NOC2L: variants seen among roughly 807,000 people sequenced by gnomAD.
NOC2L encodes nucleolar complex protein 2 homolog.
Under a neutral mutation model 94.2 loss-of-function variants are expected in NOC2L, and 101 were observed. That is an observed-to-expected ratio of 1.07 (90% CI 0.91 to 1.26). The LOEUF (loss-of-function observed/expected upper bound fraction) is 1.26. Among genes scored for constraint, NOC2L ranks in the 50% most tolerant of loss-of-function variants. The pLI is 0.00. For missense variants in NOC2L, 1,076 were observed against 980.1 expected, an observed-to-expected ratio of 1.10 and a Z score of -1.31; for synonymous variants, 531 against 413.4, an observed-to-expected ratio of 1.28 and a Z score of -3.45.
At chr1:958,679 G>C (rs768110744) in intron 2 of NOC2L, 17 of 683,704 alleles carry the variant, frequency 2.5e-5, no homozygotes, top group South Asian at 2.1e-4. Context: ...CCAAGAACGT[G>C]AGAGTTCTCC....
chr1:958,881 G>A (rs1642497535), intron 2 of NOC2L, 48 bp downstream of exon 2: 3 of 1,608,494 alleles, frequency 1.9e-6, no homozygotes, highest in Middle Eastern at 1.7e-4. Context: ...CCCAACCGGG[G>A]TGGGACAGGA....
intron 9 of NOC2L, among the ~76,000 whole-genome samples, 197 bp downstream of exon 9, chr1:952,978 G>A (rs925862937): frequency 1.1e-4 from 17 of 152,170 alleles, no homozygotes; most frequent in Non-Finnish European, 2.9e-5. Flanking sequence ...GGGGCCCTGA[G>A]AAGGCCGAGG....
chr1:945,943 G>A (rs146637555), intron 16 of NOC2L, among the ~76,000 whole-genome samples: 1 of 152,332 alleles, frequency 6.6e-6, no homozygotes, highest in East Asian at 1.9e-4. Flanking sequence ...TCAGGCCTGA[G>A]GGGGCATGGC....
intron 2 of NOC2L, chr1:957,539 T>C (rs1401958144): frequency 2.2e-6 from 1 of 461,654 alleles, no homozygotes; most frequent in East Asian, 3.7e-5. Context: ...AGCCGCGGTC[T>C]TCCCTGGACT....
At chr1:953,338 A>G (rs1642309441) in intron 8 of NOC2L, 50 bp from the exon 9 acceptor site, 1 of 1,143,330 alleles carries the variant, frequency 8.7e-7, no homozygotes, top group African/African-American at 1.5e-5. Flanking sequence ...CTCAGCAGGG[A>G]TGCCCCAGGG....
At position 957,229 on chromosome 1, in the gene NOC2L, CGA is replaced by C. The variant is rs1642433152; in HGVS notation, c.222_223del (p.Arg75AlafsTer16). 1 of 1,613,454 alleles carries C rather than the reference CGA, an allele frequency of 6.2e-7. No individual in the cohort carries two copies. The highest frequency in any genetic ancestry group is 2.2e-5 in the East Asian group (1 of 44,838). ...GAACTCGGGGTCTCTGTCCTTCAGC[CGA>C]GAGAGCTGGTCTTTGTGCTCAGAGG... On this transcript the variant is annotated frameshift_variant, in exon 3 of 19. Coordinates refer to ENST00000327044, the MANE Select transcript of NOC2L (RefSeq NM_015658.4). LOFTEE classifies it high-confidence loss of function.
intron 6 of NOC2L, among the ~76,000 whole-genome samples, chr1:955,672 G>A (rs565724048): frequency 4.6e-5 from 7 of 152,284 alleles, no homozygotes; most frequent in East Asian, 1.9e-4. Context: ...AGCTGCACAC[G>A]CCACACCTTC....
chr1:947,737 G>A (rs1557616516), intron 14 of NOC2L, among the ~76,000 whole-genome samples: 1 of 152,186 alleles, frequency 6.6e-6, no homozygotes, highest in Non-Finnish European at 1.5e-5. Context: ...GGCAGGCCAG[G>A]CCTTCCTGCC....
Position 956,894 on chromosome 1 carries a change from C to T in NOC2L, c.486G>A (p.Lys162=), listed in dbSNP as rs1311913257. ...AMVERWKQAA[K]QRLTPKLFHE... ...CTGCCCGCCCCTGGCTGCTGCTCAC[C>T]TTTGCTGCCTGCTTCCATCTCTCAA... The change falls in exon 4 of 19, where the codon AAG becomes AAA. Residue 162 remains lysine (K), a splice_region_variant and synonymous_variant. Transcript: ENST00000327044. 1.9e-6 allele frequency: 3 copies of T among 1,613,602 alleles called. No homozygotes were observed. The East Asian group carries it at 6.7e-5, about 36-fold the overall frequency.
In NOC2L at chr1:949,543, GGA is replaced by G. The variant is rs550120906; in HGVS notation, c.1444-942_1444-941del. On this transcript the variant is annotated intron_variant, in intron 12 of 18. Transcript: ENST00000327044. ...TTTTAGGGTTTGCTTTTTCCGGAGAGGAGAGGCCTGCATCCCTGCGTGAGAGG... is the reference window on the plus strand; with the variant it reads ...TTTTAGGGTTTGCTTTTTCCGGAGAGGAGGCCTGCATCCCTGCGTGAGAGG... Among the ~76,000 whole-genome samples, 289 of 152,366 alleles carry G rather than the reference GGA, an allele frequency of 1.9e-3. 4 individuals are homozygous for G. The highest frequency in any genetic ancestry group is 6.8e-3 in the Middle Eastern group (2 of 294).
chr1:958,946 G>T lies in NOC2L; in HGVS notation c.162C>A (p.Gly54=), dbSNP rs750051154. The T allele has an allele frequency of 1.9e-6, 3 of 1,612,718 alleles. No individual in the cohort carries two copies. In the South Asian group the frequency reaches 3.3e-5, roughly 18 times the overall value. ...CCACTAACCTGGCCGAGGGGCTCCC[G>T]CCCGGCTTATCCGGACTCCGGGCAG... is the stretch of plus-strand genomic sequence containing the variant. ...REAARSPDKP[G]GSPSASRRKG... The change falls in exon 2 of 19, where the codon GGC becomes GGA. Residue 54 remains glycine, a synonymous_variant. Coordinates refer to ENST00000327044, the MANE Select transcript of NOC2L (RefSeq NM_015658.4).
rs188875714 is a variant in NOC2L, at chr1:950,258, A to C, written c.1443+869T>G. On this transcript the variant is annotated intron_variant, in intron 12 of 18. Coordinates refer to ENST00000327044, the MANE Select transcript of NOC2L (RefSeq NM_015658.4). ...ATGCAGATGCAAATGCATGCACACA[A>C]GTGCACACAGACACGTGTGTATGCA... is the stretch of plus-strand genomic sequence containing the variant. 5.7e-4 allele frequency among the ~76,000 whole-genome samples: 87 copies of C among 151,918 alleles called. 1 individual carries two copies. The highest frequency in any genetic ancestry group is 3.4e-3 in the Middle Eastern group (1 of 294).
intron 6 of NOC2L, among the ~76,000 whole-genome samples, chr1:954,896 T>G (rs188959872): frequency 1.1e-4 from 16 of 151,600 alleles, no homozygotes; most frequent in African/African-American, 3.9e-4. Flanking sequence ...GCCCACGCAG[T>G]AGGCGCTCAC....
intron 12 of NOC2L, among the ~76,000 whole-genome samples, chr1:949,321 A>G (rs1642193987): frequency 6.6e-6 from 1 of 152,202 alleles, no homozygotes; most frequent in South Asian, 2.1e-4. Context: ...GGCCCCAGCA[A>G]GACACCCCAC....
intron 16 of NOC2L, 112 bp downstream of exon 16, chr1:946,061 C>T: frequency 3.7e-6 from 3 of 815,372 alleles, no homozygotes; most frequent in South Asian, 3.3e-5. Flanking sequence ...GGGCACGGCC[C>T]TGGCCGCCTG....
intron 9 of NOC2L, 45 bp downstream of exon 9, chr1:953,130 T>A (rs1455073578): frequency 7.0e-7 from 1 of 1,434,928 alleles, no homozygotes; most frequent in Non-Finnish European, 9.8e-7. Flanking sequence ...GGCCGAGATT[T>A]CCAATGCAGA....
chr1:944,655 C>G lies in NOC2L; in HGVS notation c.*39G>C. 7.5e-7 allele frequency: 1 copy of G among 1,331,604 alleles called. No homozygotes were observed. The highest frequency in any genetic ancestry group is 1.1e-6 in the Non-Finnish European group (1 of 949,882). 82.5% of individuals were successfully genotyped at this position (1,331,604 alleles called of 1,614,324 possible). On this transcript the variant is annotated 3_prime_UTR_variant, in exon 19 of 19. Transcript: ENST00000327044. Reference sequence around the variant, plus strand: ...CCAGGGAGGTGGAAACACTGGCCACCAGCCCGGCAGCCCCTACAGGCCCCC... The same window carrying G: ...CCAGGGAGGTGGAAACACTGGCCACGAGCCCGGCAGCCCCTACAGGCCCCC...
In NOC2L at chr1:946,486, C is replaced by T; in HGVS notation, c.1719G>A (p.Leu573=). Reference sequence around the variant, plus strand: ...CCGAGTTCTCCTGAACCTTCCCAAGCAGCTGCTGCACCTGCCGGCAGTAGT... The same window carrying T: ...CCGAGTTCTCCTGAACCTTCCCAAGTAGCTGCTGCACCTGCCGGCAGTAGT... ...VANYCRQVQQ[L]LGKVQENSAY... The change falls in exon 15 of 19, where the codon CTG becomes CTA. Residue 573 remains leucine, a synonymous_variant. Coordinates refer to ENST00000327044, the MANE Select transcript of NOC2L (RefSeq NM_015658.4). The T allele has an allele frequency of 6.2e-7, 1 of 1,613,314 alleles. No homozygotes were observed. Among genetic ancestry groups the T allele is most frequent in the Non-Finnish European group, 8.5e-7 (1 of 1,180,010 alleles).
chr1:953,939 G>C (rs1466226063), intron 7 of NOC2L, 47 bp from the exon 8 acceptor site: 1 of 1,606,148 alleles, frequency 6.2e-7, no homozygotes, highest in East Asian at 2.2e-5. Context: ...TGTATTCTGG[G>C]ATACAAAAAA....
Sources: gnomAD v4.1 joint callset for allele counts (sites outside exome capture counted in the v4.1 genomes callset) on GRCh38, gnomAD v4.1.1 for gene constraint, MANE v1.5 for transcripts, NCBI Gene and HGNC (gene_info 2026-07-23, HGNC 2026-07-21) for gene names.